PDE4B: variants seen among roughly 807,000 people sequenced by gnomAD.
The protein encoded by PDE4B is 3',5'-cyclic-AMP phosphodiesterase 4B.
In PDE4B, 20 loss-of-function variants were observed where a neutral mutation model predicts 82.2. The ratio of observed to expected loss-of-function variants is 0.24; its 90% CI spans 0.17 to 0.35. The LOEUF (loss-of-function observed/expected upper bound fraction) is 0.35. Among genes scored for constraint, PDE4B ranks in the 10% least tolerant of loss-of-function variants. The pLI is 1.00. For missense variants in PDE4B, 655 were observed against 907.2 expected, an observed-to-expected ratio of 0.72 and a Z score of 3.57; for synonymous variants, 320 against 318.9, an observed-to-expected ratio of 1.00 and a Z score of -0.04.
intron 3 of PDE4B, among the ~76,000 whole-genome samples, chr1:66,054,474 T>C (rs1293434226): frequency 3.3e-5 from 5 of 152,220 alleles, no homozygotes; most frequent in Non-Finnish European, 7.3e-5. Context: ...GTTCTAGATA[T>C]CTGTTCAACA....
chr1:66,088,291 G>A (rs1402074985), intron 3 of PDE4B, among the ~76,000 whole-genome samples: 1 of 151,976 alleles, frequency 6.6e-6, no homozygotes, highest in Non-Finnish European at 1.5e-5. Context: ...AGGACAGGAA[G>A]TTAGTAAGTC....
chr1:66,199,443 CT>C (rs913077289), intron 3 of PDE4B, among the ~76,000 whole-genome samples: 2 of 151,986 alleles, frequency 1.3e-5, no homozygotes, highest in African/African-American at 4.8e-5. Flanking sequence ...CCTTCGCCCA[CT>C]TTTTTTGTTT....
intron 3 of PDE4B, among the ~76,000 whole-genome samples, chr1:65,938,610 C>A (rs576758110): frequency 1.3e-5 from 2 of 152,050 alleles, no homozygotes; most frequent in Non-Finnish European, 2.9e-5. Flanking sequence ...AAAAGGCAGA[C>A]ATGTACATTA....
At chr1:66,137,086 G>C (rs1443100487) in intron 3 of PDE4B, among the ~76,000 whole-genome samples, 1 of 152,180 alleles carries the variant, frequency 6.6e-6, no homozygotes, top group East Asian at 1.9e-4. Flanking sequence ...TTAGATATTA[G>C]ATACAGGAGA....
At chr1:66,253,000 A>G (rs1653907262) in intron 4 of PDE4B, among the ~76,000 whole-genome samples, 1 of 152,208 alleles carries the variant, frequency 6.6e-6, no homozygotes, top group Admixed American at 6.5e-5. Context: ...CCATCCATAT[A>G]AAAATAAAGA....
intron 3 of PDE4B, among the ~76,000 whole-genome samples, chr1:66,149,997 G>A (rs760465846): frequency 2.0e-5 from 3 of 152,140 alleles, no homozygotes; most frequent in Non-Finnish European, 2.9e-5. Flanking sequence ...CTCACCATTT[G>A]TTGAAAAGAC....
chr1:66,009,934 T>TATCTATC (rs1157589309), intron 3 of PDE4B, among the ~76,000 whole-genome samples: 4 of 147,550 alleles, frequency 2.7e-5, no homozygotes, highest in African/African-American at 1.1e-4. Flanking sequence ...TCTATCTATC[T>TATCTATC]ATCTATCTAT....
intron 3 of PDE4B, among the ~76,000 whole-genome samples, chr1:65,972,963 T>G (rs1650221790): frequency 6.6e-6 from 1 of 152,212 alleles, no homozygotes. Context: ...TCTTGAATGT[T>G]TTTTGATTGC....
At chr1:65,898,434 C>T (rs1646934856) in intron 1 of PDE4B, among the ~76,000 whole-genome samples, 1 of 151,150 alleles carries the variant, frequency 6.6e-6, no homozygotes, top group South Asian at 2.1e-4. Flanking sequence ...TATTTCCCCA[C>T]CATCATTCTT....
chr1:66,018,840 G>A (rs1026351153), intron 3 of PDE4B, among the ~76,000 whole-genome samples: 3 of 152,130 alleles, frequency 2.0e-5, no homozygotes, highest in East Asian at 1.9e-4. Context: ...CAGATAATAC[G>A]TGTGTATTAT....
intron 3 of PDE4B, among the ~76,000 whole-genome samples, chr1:65,965,251 C>A (rs77576786): frequency 0.031 from 4,697 of 152,022 alleles, 238 homozygotes; most frequent in African/African-American, 0.11. Flanking sequence ...TTTCCTCCCC[C>A]CCCCATGGAA....
intron 4 of PDE4B, among the ~76,000 whole-genome samples, chr1:66,257,136 T>C (rs1654297905): frequency 6.6e-6 from 1 of 152,232 alleles, no homozygotes; most frequent in Non-Finnish European, 1.5e-5. Flanking sequence ...GAAAAAGTTA[T>C]ATTACAAACA....
intron 3 of PDE4B, among the ~76,000 whole-genome samples, chr1:66,145,415 G>T (rs1295305261): frequency 1.3e-5 from 2 of 152,146 alleles, no homozygotes; most frequent in African/African-American, 4.8e-5. Context: ...TTGCAACAGT[G>T]GGCAAGGCTA....
At chr1:66,109,581 A>T (rs905663273) in intron 3 of PDE4B, among the ~76,000 whole-genome samples, 1 of 151,984 alleles carries the variant, frequency 6.6e-6, no homozygotes, top group Non-Finnish European at 1.5e-5. Flanking sequence ...TTCATATATG[A>T]CAGCATTAGA....
rs369029455 is a variant in PDE4B, at chr1:65,930,516, G to A, written c.281+11681G>A. ...AGCCCTGGAAGGCCACAGGGGCGGA[G>A]CTGCCCAAGGCCTTGGGAGCCCAGC... On this transcript the variant is annotated intron_variant, in intron 3 of 16. Coordinates refer to ENST00000341517, the MANE Select transcript of PDE4B (RefSeq NM_002600.4). 2.7e-4 allele frequency among the ~76,000 whole-genome samples: 41 copies of A among 152,346 alleles called. No homozygotes were observed. In the South Asian group the frequency reaches 8.5e-3, roughly 32 times the overall value.
intron 3 of PDE4B, among the ~76,000 whole-genome samples, chr1:66,226,633 A>T (rs371601246): frequency 6.6e-6 from 1 of 152,368 alleles, no homozygotes; most frequent in East Asian, 1.9e-4. Context: ...GCAAGAAAAG[A>T]ACAGTCAGTG....
intron 7 of PDE4B, among the ~76,000 whole-genome samples, chr1:66,315,050 G>A (rs1486530712): frequency 6.6e-6 from 1 of 152,178 alleles, no homozygotes; most frequent in African/African-American, 2.4e-5. Context: ...GGGACCTACT[G>A]TTAAGTCCAG....
chr1:66,300,851 A>G (rs1208262397), intron 7 of PDE4B, among the ~76,000 whole-genome samples: 3 of 152,270 alleles, frequency 2.0e-5, no homozygotes, highest in Admixed American at 2.0e-4. Flanking sequence ...GTCCAAGTCT[A>G]TTCTTCATAG....
chr1:65,838,502 CGTATATGTATATATAT>C (rs1425581387), intron 1 of PDE4B, among the ~76,000 whole-genome samples: 22 of 143,894 alleles, frequency 1.5e-4, no homozygotes, highest in South Asian at 1.3e-3. Context: ...TATATATATA[CGTATATGTATATATAT>C]GTATATGTAT....
Sources: gnomAD v4.1 joint callset for allele counts (sites outside exome capture counted in the v4.1 genomes callset) on GRCh38, gnomAD v4.1.1 for gene constraint, MANE v1.5 for transcripts, NCBI Gene and HGNC (gene_info 2026-07-23, HGNC 2026-07-21) for gene names.